The following SLC24A2 variants were observed in gnomAD, a reference collection of about 807,000 sequenced individuals.
The protein encoded by SLC24A2 is sodium/potassium/calcium exchanger 2.
Under a neutral mutation model 62.0 loss-of-function variants are expected in SLC24A2, and 36 were observed. The observed-to-expected ratio is 0.58, with a 90% CI of 0.44 to 0.77. The LOEUF (loss-of-function observed/expected upper bound fraction) is 0.77. Among genes scored for constraint, SLC24A2 ranks in the 30% least tolerant of loss-of-function variants. The pLI is 0.00. For synonymous variants in SLC24A2, 358 were observed against 294.0 expected, an observed-to-expected ratio of 1.22 and a Z score of -2.23; for missense variants, 846 against 817.9, an observed-to-expected ratio of 1.03 and a Z score of -0.42.
rs1589107146 is a variant in SLC24A2, at chr9:19,510,208, T to A, written c.*5945A>T. On this transcript the variant is annotated 3_prime_UTR_variant, in exon 11 of 11. Transcript: ENST00000341998. The stretch of plus-strand genomic sequence containing the variant: ...TGCTGCACCCAGTATAGTTCAACAC[T>A]GTTCAGACAGTGATTATCATTAGTC... 6.6e-6 allele frequency: 1 copy of A among 152,198 alleles called. No individual in the cohort carries two copies. The highest frequency in any genetic ancestry group is 1.9e-4 in the East Asian group (1 of 5,176). The allele number at this position is 152,198 out of a possible 1,614,324, so 9.4% of individuals were successfully genotyped here.
At chr9:20,081,576 A>G in the SLC24A2 span, among the ~76,000 whole-genome samples, 3 of 151,984 alleles carry the variant, frequency 2.0e-5, no homozygotes, top group Non-Finnish European at 4.4e-5. Flanking sequence ...ACATGTATAC[A>G]TATGTAACAA....
the SLC24A2 span, among the ~76,000 whole-genome samples, chr9:20,028,693 A>G: frequency 6.6e-6 from 1 of 152,158 alleles, no homozygotes; most frequent in South Asian, 2.1e-4. Flanking sequence ...AAAGGGCAAT[A>G]AAAATTTTTG....
chr9:20,194,741 T>TA, the SLC24A2 span, among the ~76,000 whole-genome samples: 1 of 152,088 alleles, frequency 6.6e-6, no homozygotes, highest in Non-Finnish European at 1.5e-5. Flanking sequence ...TTTCTCTACT[T>TA]TTTCTAACTC....
the SLC24A2 span, among the ~76,000 whole-genome samples, chr9:19,996,821 C>A: frequency 1.3e-5 from 2 of 151,482 alleles, no homozygotes; most frequent in South Asian, 4.2e-4. Context: ...CGAGTAACAC[C>A]TTACCCCAAG....
chr9:20,094,723 T>A, the SLC24A2 span, among the ~76,000 whole-genome samples: 1 of 152,112 alleles, frequency 6.6e-6, no homozygotes, highest in African/African-American at 2.4e-5. Context: ...TTAAAAAAAA[T>A]TTGTATAACT....
chr9:20,073,437 C>A, the SLC24A2 span, among the ~76,000 whole-genome samples: 3 of 152,048 alleles, frequency 2.0e-5, no homozygotes, highest in Non-Finnish European at 4.4e-5. Context: ...TTCACCTTTG[C>A]CATATAACAT....
the SLC24A2 span, among the ~76,000 whole-genome samples, chr9:20,020,163 C>T: frequency 6.6e-6 from 1 of 152,182 alleles, no homozygotes; most frequent in Non-Finnish European, 1.5e-5. Context: ...GACAGTGTGG[C>T]TATTCCTCAA....
At chr9:19,895,092 A>G in the SLC24A2 span, among the ~76,000 whole-genome samples, 1 of 152,212 alleles carries the variant, frequency 6.6e-6, no homozygotes, top group Non-Finnish European at 1.5e-5. Context: ...ACATCATCAC[A>G]TTCCTCATGA....
At chr9:20,135,563 C>T in the SLC24A2 span, among the ~76,000 whole-genome samples, 2 of 151,996 alleles carry the variant, frequency 1.3e-5, no homozygotes, top group South Asian at 2.1e-4. Context: ...GTATTAACTG[C>T]GATAACATAC....
chr9:19,672,223 G>T (rs1315040722), intron 2 of SLC24A2, among the ~76,000 whole-genome samples: 1 of 146,252 alleles, frequency 6.8e-6, no homozygotes, highest in African/African-American at 2.7e-5. Context: ...CTCACTGTTT[G>T]TTATTGGTCT....
the SLC24A2 span, among the ~76,000 whole-genome samples, chr9:20,205,620 C>T: frequency 7.3e-6 from 1 of 137,728 alleles, no homozygotes; most frequent in African/African-American, 2.8e-5. Flanking sequence ...CACTGCACTC[C>T]AGGCTGGGTA....
the SLC24A2 span, among the ~76,000 whole-genome samples, chr9:20,040,673 G>C: frequency 8.2e-4 from 125 of 152,328 alleles, no homozygotes; most frequent in South Asian, 4.8e-3. Flanking sequence ...GAGGTTCTAA[G>C]TGGTTGCAGA....
chr9:19,821,579 A>C, the SLC24A2 span, among the ~76,000 whole-genome samples: 1 of 152,128 alleles, frequency 6.6e-6, no homozygotes, highest in Non-Finnish European at 1.5e-5. Context: ...CAAGATTTAA[A>C]TCTTAACTTT....
the SLC24A2 span, among the ~76,000 whole-genome samples, chr9:20,058,526 T>C: frequency 1.5e-5 from 2 of 131,964 alleles, no homozygotes. Flanking sequence ...CACACAAATA[T>C]TTGGGAAAGA....
At chr9:19,828,739 A>T in the SLC24A2 span, among the ~76,000 whole-genome samples, 1 of 152,182 alleles carries the variant, frequency 6.6e-6, no homozygotes, top group Admixed American at 6.5e-5. Flanking sequence ...GGTGTCACAA[A>T]ATAACACATT....
chr9:19,617,540 A>G (rs1002973864), intron 4 of SLC24A2, among the ~76,000 whole-genome samples: 56 of 152,230 alleles, frequency 3.7e-4, no homozygotes, highest in Admixed American at 2.9e-3. Context: ...GCTAAGAAGA[A>G]TGACAACGTA....
At chr9:19,693,747 G>A (rs1360360165) in intron 2 of SLC24A2, among the ~76,000 whole-genome samples, 1 of 152,016 alleles carries the variant, frequency 6.6e-6, no homozygotes, top group African/African-American at 2.4e-5. Flanking sequence ...GAAAAGATGA[G>A]TTTGATTTTT....
At chr9:20,201,494 G>C in the SLC24A2 span, among the ~76,000 whole-genome samples, 1 of 152,172 alleles carries the variant, frequency 6.6e-6, no homozygotes, top group Non-Finnish European at 1.5e-5. Context: ...GACAATTTGA[G>C]ATAGAGAAGG....
intron 2 of SLC24A2, among the ~76,000 whole-genome samples, chr9:19,771,691 C>T (rs1822694419): frequency 6.6e-6 from 1 of 152,200 alleles, no homozygotes; most frequent in Non-Finnish European, 1.5e-5. Flanking sequence ...ACCAATTGTG[C>T]ATTTTTGTAT....
Sources: gnomAD v4.1 joint callset for allele counts (sites outside exome capture counted in the v4.1 genomes callset) on GRCh38, gnomAD v4.1.1 for gene constraint, MANE v1.5 for transcripts, NCBI Gene and HGNC (gene_info 2026-07-23, HGNC 2026-07-21) for gene names.